The following DYDC2 variants were observed in gnomAD, a reference collection of about 807,000 sequenced individuals.
The protein encoded by DYDC2 is DPY30 domain-containing protein 2.
DYDC2 carries 19 observed loss-of-function variants against 18.7 expected under a neutral mutation model. The ratio of observed to expected loss-of-function variants is 1.02; its 90% CI spans 0.71 to 1.49. The LOEUF (loss-of-function observed/expected upper bound fraction) is 1.49. Ranked by LOEUF, DYDC2 falls within the 40% of genes most tolerant of loss-of-function variation. DYDC2 has a pLI of 0.00. For synonymous variants in DYDC2, 63 were observed against 67.6 expected, an observed-to-expected ratio of 0.93 and a Z score of 0.34; for missense variants, 179 against 205.1, an observed-to-expected ratio of 0.87 and a Z score of 0.78.
At chr10:80,362,714 G>T in intron 3 of DYDC2, 124 bp downstream of exon 3, 1 of 1,447,046 alleles carries the variant, frequency 6.9e-7, no homozygotes, top group Non-Finnish European at 9.3e-7. Context: ...CTTGCTCTTA[G>T]AGCCAGATAT....
At chr10:80,357,462 GT>G (rs1257303754) in intron 1 of DYDC2, among the ~76,000 whole-genome samples, 1 of 152,140 alleles carries the variant, frequency 6.6e-6, no homozygotes, top group East Asian at 1.9e-4. Flanking sequence ...AGACAAAGAG[GT>G]GGCGGGCTTT....
At chr10:80,361,335 G>C (rs1843660017) in intron 2 of DYDC2, among the ~76,000 whole-genome samples, 1 of 152,144 alleles carries the variant, frequency 6.6e-6, no homozygotes, top group African/African-American at 2.4e-5. Context: ...ATGTCACTTT[G>C]TTCCTTTGTT....
intron 4 of DYDC2, among the ~76,000 whole-genome samples, chr10:80,363,807 G>A (rs2050824): frequency 0.75 from 114,823 of 152,134 alleles, 44,226 homozygotes; most frequent in East Asian, 0.97. Flanking sequence ...TTAGTATTTG[G>A]TTTATTATAT....
chr10:80,346,403 A>G (rs866498752), intron 1 of DYDC2, among the ~76,000 whole-genome samples: 1 of 138,980 alleles, frequency 7.2e-6, no homozygotes, highest in Non-Finnish European at 1.5e-5. Context: ...AGAAGAGTTC[A>G]CTTTTCTCCA....
rs1470339113 is a variant in DYDC2 at position 80,362,474 on chromosome 10, G to A, written c.31G>A (p.Gly11Arg). 6.2e-7 allele frequency: 1 copy of A among 1,613,984 alleles called. No homozygotes were observed. The highest frequency in any genetic ancestry group is 8.5e-7 in the Non-Finnish European group (1 of 1,179,948). METNYLKRCF[G>R]NCLAQALAEV... ...AACTAACTACCTGAAGAGGTGCTTTGGAAATTGCCTGGCCCAGGCACTGGC... is the reference window on the plus strand; with the variant it reads ...AACTAACTACCTGAAGAGGTGCTTTAGAAATTGCCTGGCCCAGGCACTGGC... The change falls in exon 3 of 5, where the codon GGA becomes AGA. Residue 11 changes from glycine to arginine, a missense_variant. By Grantham distance (125) the Gly-to-Arg change is moderately radical (BLOSUM62 -2). Transcript: ENST00000256039.
upstream of DYDC2, chr10:80,356,620 G>C (rs1394597745): frequency 2.0e-6 from 2 of 985,522 alleles, no homozygotes; most frequent in Non-Finnish European, 2.4e-6. Flanking sequence ...GACGCCCAAG[G>C]CCCAACGGTC....
chr10:80,356,561 G>C (rs2132869753), upstream of DYDC2: 1 of 985,504 alleles, frequency 1.0e-6, no homozygotes, highest in South Asian at 4.7e-5. Context: ...CCGCTTTCGG[G>C]AGCCCCAGGC....
At chr10:80,363,336 GTTTTTTTTTTTTTT>G (rs3038629) in intron 4 of DYDC2, among the ~76,000 whole-genome samples, 1 of 81,628 alleles carries the variant, frequency 1.2e-5, no homozygotes, top group South Asian at 5.2e-4. Flanking sequence ...AAAAAAATCT[GTTTTTTTTTTTTTT>G]TTTTTTTTTT....
At chr10:80,366,548 T>G (rs1843843149) in intron 4 of DYDC2, 140 bp from the exon 5 acceptor site, 3 of 1,030,268 alleles carry the variant, frequency 2.9e-6, no homozygotes, top group African/African-American at 3.2e-5. Context: ...TAGGTTTGGT[T>G]TTATGCTTTG....
chr10:80,348,534 T>C (rs555084674), intron 1 of DYDC2, among the ~76,000 whole-genome samples: 177 of 152,344 alleles, frequency 1.2e-3, no homozygotes, highest in African/African-American at 3.9e-3. Flanking sequence ...ATATTAGATC[T>C]CCGTTCCCAA....
intron 2 of DYDC2, among the ~76,000 whole-genome samples, chr10:80,361,437 A>C (rs747968901): frequency 2.6e-5 from 4 of 152,186 alleles, no homozygotes; most frequent in Non-Finnish European, 4.4e-5. Context: ...TTAATACTTA[A>C]TTTGTGAGAA....
chr10:80,358,724 C>G (rs1035403240), intron 2 of DYDC2, among the ~76,000 whole-genome samples: 6 of 152,172 alleles, frequency 3.9e-5, no homozygotes, highest in African/African-American at 1.4e-4. Flanking sequence ...GTGGTGGGAC[C>G]TGAGATTCTG....
intron 1 of DYDC2, among the ~76,000 whole-genome samples, chr10:80,345,363 T>C (rs1385064773): frequency 6.6e-6 from 1 of 152,218 alleles, no homozygotes; most frequent in Non-Finnish European, 1.5e-5. Context: ...ATATATATAG[T>C]GAATGCTTAC....
chr10:80,357,364 G>A (rs990429384), intron 1 of DYDC2, among the ~76,000 whole-genome samples: 1 of 151,974 alleles, frequency 6.6e-6, no homozygotes, highest in African/African-American at 2.4e-5. Flanking sequence ...TGGGTGAGCC[G>A]AGGAGACTTG....
At chr10:80,362,826 T>C in intron 3 of DYDC2, 125 bp from the exon 4 acceptor site, 1 of 1,349,316 alleles carries the variant, frequency 7.4e-7, no homozygotes, top group South Asian at 1.5e-5. Context: ...AGGCTAAAGC[T>C]AGTTACAAGA....
At chr10:80,364,787 G>A (rs1479396110) in intron 4 of DYDC2, among the ~76,000 whole-genome samples, 2 of 152,078 alleles carry the variant, frequency 1.3e-5, no homozygotes, top group Non-Finnish European at 2.9e-5. Context: ...TATGTTAGAA[G>A]GAAATAAAGA....
rs1256503230 is a variant in DYDC2, at chr10:80,348,895, A to G, written c.-310+4080A>G. Among the ~76,000 whole-genome samples, 6 of 151,320 alleles carry G rather than the reference A, an allele frequency of 4.0e-5. No individual in the cohort carries two copies. In the East Asian group the frequency reaches 9.6e-4, roughly 24 times the overall value. On this transcript the variant is annotated intron_variant, in intron 1 of 4. Transcript: ENST00000372197. ...TCATTACAGATCAGCATTAGCAGATAAACTTTTTTTTTTTGAGGCGGAGTC... is the reference window on the plus strand; with the variant it reads ...TCATTACAGATCAGCATTAGCAGATGAACTTTTTTTTTTTGAGGCGGAGTC...
intron 2 of DYDC2, among the ~76,000 whole-genome samples, chr10:80,360,992 C>G (rs1402357205): frequency 6.6e-6 from 1 of 151,996 alleles, no homozygotes; most frequent in Non-Finnish European, 1.5e-5. Flanking sequence ...AGGCTGGTAT[C>G]AAACCCCTGA....
chr10:80,358,304 G>T (rs762947090), intron 2 of DYDC2, among the ~76,000 whole-genome samples: 2 of 152,128 alleles, frequency 1.3e-5, no homozygotes, highest in South Asian at 4.1e-4. Context: ...CTTGAACCAA[G>T]GAGGCAGAGA....
Sources: allele counts gnomAD v4.1 joint callset (sites outside exome capture counted in the v4.1 genomes callset), GRCh38; gene constraint gnomAD v4.1.1; transcripts MANE v1.5; gene names NCBI Gene and HGNC (gene_info 2026-07-23, HGNC 2026-07-21).